Variants in TIMELESS observed in about 807,000 individuals in gnomAD.
TIMELESS encodes timeless circadian regulator.
TIMELESS carries 124 observed loss-of-function variants against 164.3 expected under a neutral mutation model. That is an observed-to-expected ratio of 0.75 (90% confidence interval 0.65 to 0.88). TIMELESS has a LOEUF of 0.88. Among genes scored for constraint, TIMELESS ranks in the 40% least tolerant of loss-of-function variants. The pLI, the probability that TIMELESS is intolerant of heterozygous loss-of-function variation, is 0.00. For synonymous variants in TIMELESS, 564 were observed against 563.4 expected, an observed-to-expected ratio of 1.00 and a Z score of -0.02; for missense variants, 1,422 against 1,491.4, an observed-to-expected ratio of 0.95 and a Z score of 0.77.
intron 1 of TIMELESS, among the ~76,000 whole-genome samples, chr12:56,435,828 G>A (rs528207384): frequency 5.9e-5 from 9 of 152,032 alleles, no homozygotes; most frequent in Non-Finnish European, 1.3e-4. Context: ...GCGCGATGGC[G>A]GGCGCCTGTA....
intron 23 of TIMELESS, 27 bp from the exon 24 acceptor site, chr12:56,421,161 T>C: frequency 6.2e-7 from 1 of 1,613,072 alleles, no homozygotes; most frequent in Non-Finnish European, 8.5e-7. Context: ...GTTGGGGGAA[T>C]GAAAATGAAG....
rs1245302091 is a variant in TIMELESS at position 56,417,694 on chromosome 12, T to C, written c.*22A>G. 6.2e-7 allele frequency: 1 copy of C among 1,613,712 alleles called. No homozygotes were observed. The highest frequency in any genetic ancestry group is 8.5e-7 in the Non-Finnish European group (1 of 1,179,606). ...CACCATCTAAAAACGTGTCTATCTC[T>C]ACCCCTAGGCTTCTTAGCTCTTCAG... is the stretch of plus-strand genomic sequence containing the variant. On this transcript the variant is annotated 3_prime_UTR_variant, in exon 29 of 29. Transcript: ENST00000553532.
At chr12:56,447,751 TA>T (rs966973727) in intron 1 of TIMELESS, among the ~76,000 whole-genome samples, 3 of 151,740 alleles carry the variant, frequency 2.0e-5, no homozygotes, top group Non-Finnish European at 4.4e-5. Context: ...TAGAGGGGGG[TA>T]AAAAACTTCA....
rs1480423463 is a variant in TIMELESS at position 56,417,671 on chromosome 12, C to T, written c.*45G>A. 1.9e-6 allele frequency: 3 copies of T among 1,597,760 alleles called. No homozygotes were observed. The Admixed American group carries it at 5.0e-5, about 27-fold the overall frequency. ...CCCTTCCAACTCTGACTTGAATGCA[C>T]CATCTAAAAACGTGTCTATCTCTAC... On this transcript the variant is annotated 3_prime_UTR_variant, in exon 29 of 29. Coordinates refer to ENST00000553532, the MANE Select transcript of TIMELESS (RefSeq NM_003920.5).
chr12:56,441,618 C>A (rs937728531), intron 1 of TIMELESS, among the ~76,000 whole-genome samples: 1 of 151,910 alleles, frequency 6.6e-6, no homozygotes, highest in Non-Finnish European at 1.5e-5. Flanking sequence ...CAGAGTGAGA[C>A]CCTGTCTCAA....
intron 26 of TIMELESS, among the ~76,000 whole-genome samples, chr12:56,418,626 G>T (rs1234008901): frequency 6.7e-6 from 1 of 148,224 alleles, no homozygotes. Flanking sequence ...CACTCAGGCT[G>T]AAGTGCAGTG....
At chr12:56,442,506 G>C (rs1868290037) in intron 1 of TIMELESS, among the ~76,000 whole-genome samples, 1 of 152,186 alleles carries the variant, frequency 6.6e-6, no homozygotes, top group South Asian at 2.1e-4. Context: ...AAAACAAAAT[G>C]ATCAAACCAG....
At position 56,429,057 on chromosome 12, in the gene TIMELESS, T is replaced by C. The variant is rs759044561; in HGVS notation, c.1130A>G (p.Tyr377Cys). Residue 377 changes from tyrosine to cysteine, a missense_variant, in exon 11 of 29, where the codon TAT (tyrosine) becomes TGT (cysteine). Tyr to Cys is a radical substitution (Grantham distance 194). Transcript: ENST00000553532. The stretch of plus-strand genomic sequence containing the variant: ...GAAGAAAGCCAAGGCCCACATATAA[T>C]AGGTCTCATCATGCTGCTGAGCTTT... ...REKAQQHDET[Y>C]YMWALAFFMA... 5.0e-6 allele frequency: 8 copies of C among 1,613,698 alleles called. No individual in the cohort carries two copies. Among genetic ancestry groups the C allele is most frequent in the African/African-American group, 2.7e-5 (2 of 74,814 alleles).
Position 56,417,107 on chromosome 12 carries a change from C to T in TIMELESS, c.*609G>A, listed in dbSNP as rs1021368925. The T allele has an allele frequency of 1.2e-4, 18 of 152,880 alleles. No homozygotes were observed. The highest frequency in any genetic ancestry group is 4.3e-4 in the African/African-American group (18 of 41,414). The allele number at this position is 152,880 out of a possible 1,614,324, so 9.5% of individuals were successfully genotyped here. A position where few individuals can be genotyped will look rare whatever the true frequency, so the allele number is the denominator to read the frequency against. On this transcript the variant is annotated 3_prime_UTR_variant, in exon 29 of 29. Transcript: ENST00000553532. ...AGGGCTGGGGAACTTAGACATATCG[C>T]CAAGTCAGACTGAGATGAGAACTTC...
intron 13 of TIMELESS, among the ~76,000 whole-genome samples, chr12:56,426,684 C>T (rs1881689715): frequency 6.6e-6 from 1 of 152,016 alleles, no homozygotes; most frequent in Non-Finnish European, 1.5e-5. Flanking sequence ...TTCAGCCTCC[C>T]AAGAAGCTGG....
intron 1 of TIMELESS, among the ~76,000 whole-genome samples, chr12:56,435,443 C>A (rs1463309494): frequency 6.6e-6 from 1 of 152,162 alleles, no homozygotes; most frequent in East Asian, 1.9e-4. Flanking sequence ...ATTGTAACCT[C>A]AAATTCCTGG....
rs368348620 is a variant in TIMELESS at position 56,421,397 on chromosome 12, C to T, written c.2822G>A (p.Arg941Gln). 3.5e-5 allele frequency: 57 copies of T among 1,613,966 alleles called. No individual in the cohort carries two copies. In the Admixed American group the frequency reaches 4.0e-4, roughly 11 times the overall value. ...LLALGLVAER[R>Q]ELYKKRQKKL... ...TTTCTGCCGTTTCTTGTACAGCTCC[C>T]GCCGCTCAGCCACCAGCCCCAGAGC... Residue 941 changes from arginine (R) to glutamine (Q), a missense_variant, in exon 23 of 29, where the codon CGG becomes CAG. Transcript: ENST00000553532.
Position 56,421,504 on chromosome 12 carries a change from C to T in TIMELESS, c.2726-11G>A. ...TATGACCCAGGACATCTATAAAAAG[C>T]AAGCATGTGAATACCCAAGGGTAAC... On this transcript the variant is annotated splice_polypyrimidine_tract_variant and intron_variant, in intron 22 of 28. Transcript: ENST00000553532. 1 of 1,605,116 alleles carries T rather than the reference C, an allele frequency of 6.2e-7. No individual in the cohort carries two copies. Among genetic ancestry groups the T allele is most frequent in the Non-Finnish European group, 8.5e-7 (1 of 1,174,658 alleles).
intron 7 of TIMELESS, 125 bp downstream of exon 7, chr12:56,432,244 C>T: frequency 8.6e-7 from 1 of 1,165,668 alleles, no homozygotes; most frequent in South Asian, 1.6e-5. Flanking sequence ...GAACTCAAGA[C>T]ATGGCTACTC....
At position 56,423,343 on chromosome 12, in the gene TIMELESS, T is replaced by C. The variant is rs1881560022; in HGVS notation, c.2223A>G (p.Leu741=). 1.2e-6 allele frequency: 2 copies of C among 1,613,982 alleles called. No homozygotes were observed. The highest frequency in any genetic ancestry group is 8.5e-7 in the Non-Finnish European group (1 of 1,180,036). The change falls in exon 18 of 29, where the codon CTA becomes CTG. Residue 741 remains leucine (L), a synonymous_variant. Coordinates refer to ENST00000553532, the MANE Select transcript of TIMELESS (RefSeq NM_003920.5). ...GGCAGAAGACTGACAGCTGAAAAAGTAGGGCTTCCATTTTGAGGTCATGGG... is the reference window on the plus strand; with the variant it reads ...GGCAGAAGACTGACAGCTGAAAAAGCAGGGCTTCCATTTTGAGGTCATGGG... The part of the protein sequence containing the change: ...RLAHDLKMEA[L]LFQLSVFCLF...
chr12:56,420,001 T>C, intron 26 of TIMELESS, among the ~76,000 whole-genome samples: 1 of 22,080 alleles, frequency 4.5e-5, no homozygotes, highest in South Asian at 2.1e-3. Context: ...AGTGAGACTC[T>C]GTCTCAAAAA....
chr12:56,440,666 T>A (rs532881163), intron 1 of TIMELESS, among the ~76,000 whole-genome samples: 1 of 152,098 alleles, frequency 6.6e-6, no homozygotes, highest in African/African-American at 2.4e-5. Flanking sequence ...CACAAGATAT[T>A]AGGGAAGTGT....
chr12:56,448,490 GC>G, intron 1 of TIMELESS, among the ~76,000 whole-genome samples: 1 of 152,120 alleles, frequency 6.6e-6, no homozygotes, highest in African/African-American at 2.4e-5. Context: ...ACTTTGGGAG[GC>G]CGAGGCGGGC....
chr12:56,421,114 C>T lies in TIMELESS; in HGVS notation c.2889G>A (p.Leu963=), dbSNP rs766851560. Residue 963 remains leucine, a synonymous_variant, in exon 24 of 29, where the codon CTG becomes CTA. Coordinates refer to ENST00000553532, the MANE Select transcript of TIMELESS (RefSeq NM_003920.5). The part of the protein sequence containing the change: ...SSILPNGAES[L]KDFCQEDLEE... ...CCAGATCTTCCTGGCAAAAATCTTT[C>T]AGGGACTCCGCTCCATTTGGCTAAA... The T allele has an allele frequency of 3.7e-6, 6 of 1,614,154 alleles. No homozygotes were observed. Among genetic ancestry groups the T allele is most frequent in the Non-Finnish European group, 5.1e-6 (6 of 1,180,042 alleles).
Sources: gnomAD v4.1 joint callset for allele counts (sites outside exome capture counted in the v4.1 genomes callset) on GRCh38, gnomAD v4.1.1 for gene constraint, MANE v1.5 for transcripts, NCBI Gene and HGNC (gene_info 2026-07-23, HGNC 2026-07-21) for gene names.